The following NEDD4 variants were observed in gnomAD, a reference collection of about 807,000 sequenced individuals.
NEDD4 encodes E3 ubiquitin-protein ligase NEDD4.
Under a neutral mutation model 144.9 loss-of-function variants are expected in NEDD4, and 99 were observed. The observed-to-expected ratio is 0.68, with a 90% CI of 0.58 to 0.81. The LOEUF (loss-of-function observed/expected upper bound fraction) is 0.81. Among genes scored for constraint, NEDD4 ranks in the 30% least tolerant of loss-of-function variants. The pLI, the probability that NEDD4 is intolerant of heterozygous loss-of-function variation, is 0.00. For synonymous variants in NEDD4, 318 were observed against 350.6 expected (o/e 0.91, Z 1.04); for missense variants, 985 against 1,065.9 (o/e 0.92, Z 1.06).
At chr15:55,945,475 A>T (rs1175826019) in intron 4 of NEDD4, among the ~76,000 whole-genome samples, 1 of 152,316 alleles carries the variant, frequency 6.6e-6, no homozygotes, top group East Asian at 1.9e-4. Context: ...AAAAGAATAA[A>T]AAGAAGCAAA....
chr15:55,834,634 A>G (rs1423623606), intron 24 of NEDD4, among the ~76,000 whole-genome samples: 1 of 152,192 alleles, frequency 6.6e-6, no homozygotes, highest in African/African-American at 2.4e-5. Flanking sequence ...CTACAAAAAA[A>G]TACAAAAATT....
chr15:55,933,661 G>C (rs1277077933), intron 4 of NEDD4, among the ~76,000 whole-genome samples: 4 of 151,640 alleles, frequency 2.6e-5, no homozygotes, highest in African/African-American at 9.7e-5. Flanking sequence ...TTGTGTACGT[G>C]TACCCTAGAA....
intron 21 of NEDD4, among the ~76,000 whole-genome samples, chr15:55,839,559 T>C (rs1046531357): frequency 6.6e-6 from 1 of 152,158 alleles, no homozygotes; most frequent in South Asian, 2.1e-4. Context: ...TGAACACACA[T>C]TGTGTGAGGC....
chr15:55,832,616 G>A lies in NEDD4; in HGVS notation c.2527+392C>T, dbSNP rs139371902. ...TTTTGGGTAGAGACGGGGTTTCACT[G>A]TGTTGGCTAGGCTCATCTTGAACTC... On this transcript the variant is annotated intron_variant, in intron 27 of 28. Transcript: ENST00000435532. 3.0e-3 allele frequency among the ~76,000 whole-genome samples: 451 copies of A among 152,174 alleles called. 6 individuals are homozygous for A. The highest frequency in any genetic ancestry group is 0.01 in the African/African-American group (423 of 41,514).
chr15:55,976,252 T>C (rs948164640), intron 1 of NEDD4, among the ~76,000 whole-genome samples: 2 of 152,154 alleles, frequency 1.3e-5, no homozygotes, highest in African/African-American at 4.8e-5. Context: ...AAAAAGCTCC[T>C]GTATAGCAAA....
intron 2 of NEDD4, among the ~76,000 whole-genome samples, chr15:55,957,889 G>C (rs140341562): frequency 1.3e-4 from 20 of 152,178 alleles, no homozygotes; most frequent in East Asian, 3.9e-4. Context: ...ACCAAACACC[G>C]CATGTTCTCA....
chr15:55,917,035 G>A, intron 5 of NEDD4: 1 of 1,301,156 alleles, frequency 7.7e-7, no homozygotes, highest in African/African-American at 1.5e-5. Flanking sequence ...TCCAGAGACT[G>A]ACGTTTCCAA....
rs756080748 is a variant in NEDD4 at position 55,983,285 on chromosome 15, G to GGT, written c.45+10224_45+10225dup. Among the ~76,000 whole-genome samples the GGT allele has an allele frequency of 5.4e-3, 802 of 148,146 alleles. 8 individuals carry two copies. The highest frequency in any genetic ancestry group is 0.017 in the African/African-American group (693 of 40,226). On this transcript the variant is annotated intron_variant, in intron 1 of 28. Coordinates refer to ENST00000435532, the MANE Select transcript of NEDD4 (RefSeq NM_006154.4). ...AAATAATGTTGATGATGACGACAAT[G>GGT]GTGTGTGTGTGTGTGCGTGCGCGCG...
chr15:55,977,107 C>T (rs1200506707), intron 1 of NEDD4, among the ~76,000 whole-genome samples: 21 of 152,068 alleles, frequency 1.4e-4, no homozygotes, highest in Non-Finnish European at 2.5e-4. Context: ...TTATTTTAAC[C>T]TTCTTTCTTC....
chr15:55,927,791 A>G (rs1339429294), intron 4 of NEDD4, among the ~76,000 whole-genome samples: 1 of 152,144 alleles, frequency 6.6e-6, no homozygotes, highest in African/African-American at 2.4e-5. Context: ...CTGGAGCCCT[A>G]GTAACTCAGG....
At chr15:55,884,849 AAAG>A (rs1171127209) in intron 5 of NEDD4, among the ~76,000 whole-genome samples, 6 of 152,236 alleles carry the variant, frequency 3.9e-5, no homozygotes, top group Non-Finnish European at 8.8e-5. Flanking sequence ...TATTGTCTTT[AAAG>A]AAGTAGAGAC....
intron 4 of NEDD4, among the ~76,000 whole-genome samples, chr15:55,930,603 G>A (rs182075989): frequency 3.3e-5 from 5 of 152,312 alleles, no homozygotes; most frequent in Admixed American, 6.5e-5. Context: ...AGACTGAAAT[G>A]CTTACTGATA....
chr15:55,838,737 T>C (rs534050329), intron 21 of NEDD4, 133 bp from the exon 22 acceptor site: 5 of 600,018 alleles, frequency 8.3e-6, no homozygotes, highest in African/African-American at 3.7e-5. Context: ...CTTACACACA[T>C]ATATAAACAA....
intron 17 of NEDD4, among the ~76,000 whole-genome samples, chr15:55,847,546 TATAAA>T (rs2033798396): frequency 6.6e-6 from 1 of 152,166 alleles, no homozygotes; most frequent in Non-Finnish European, 1.5e-5. Flanking sequence ...AAAAAGCAGC[TATAAA>T]AAAGGATAAT....
chr15:55,875,235 G>C (rs1015607402), intron 5 of NEDD4, among the ~76,000 whole-genome samples: 3 of 152,120 alleles, frequency 2.0e-5, no homozygotes, highest in Admixed American at 6.5e-5. Context: ...GAAAAATAAG[G>C]TCATAATGAA....
chr15:55,838,508 C>CAG lies in NEDD4; in HGVS notation c.2127_2127+1insCT (p.Thr710LeufsTer7). 6.2e-7 allele frequency: 1 copy of CAG among 1,606,700 alleles called. No homozygotes were observed. The highest frequency in any genetic ancestry group is 1.7e-4 in the Middle Eastern group (1 of 6,046). ...ATTTTAACTGATCAAAATTCACAAA[C>CAG]CTGTCCAAAAAGTTCTTCATCTATG... On this transcript the variant is annotated frameshift_variant and splice_region_variant. Coordinates refer to ENST00000435532, the MANE Select transcript of NEDD4 (RefSeq NM_006154.4). LOFTEE classifies it high-confidence loss of function.
At chr15:55,840,356 A>T in intron 21 of NEDD4, 91 bp downstream of exon 21, 1 of 1,073,930 alleles carries the variant, frequency 9.3e-7, no homozygotes, top group Non-Finnish European at 1.3e-6. Context: ...ATAATATATT[A>T]ATTTCCATGT....
intron 4 of NEDD4, among the ~76,000 whole-genome samples, chr15:55,939,331 C>T (rs113134364): frequency 6.6e-6 from 1 of 152,146 alleles, no homozygotes; most frequent in African/African-American, 2.4e-5. Context: ...TCCCCCTTCA[C>T]TTTCTCTTCT....
Position 55,848,796 on chromosome 15 carries a change from A to G in NEDD4, c.1428+10T>C, listed in dbSNP as rs1320876060. On this transcript the variant is annotated intron_variant, in intron 15 of 28. Transcript: ENST00000435532. ...CCAAGTTAGATGGGTTAGCATTTCT[A>G]TACACTTACAGGTAAAGGCCCTAGA... is the stretch of plus-strand genomic sequence containing the variant. 2 of 1,610,234 alleles carry G rather than the reference A, an allele frequency of 1.2e-6. No individual in the cohort carries two copies. Among genetic ancestry groups the G allele is most frequent in the Non-Finnish European group, 1.7e-6 (2 of 1,176,980 alleles).
Sources: allele counts gnomAD v4.1 joint callset (sites outside exome capture counted in the v4.1 genomes callset), GRCh38; gene constraint gnomAD v4.1.1; transcripts MANE v1.5; gene names NCBI Gene and HGNC (gene_info 2026-07-23, HGNC 2026-07-21).